CCSER1: variants seen among roughly 807,000 people sequenced by gnomAD.
The protein encoded by CCSER1 is coiled-coil serine rich protein 1.
A neutral mutation model predicts 82.0 loss-of-function variants in CCSER1; 41 were observed. That is an observed-to-expected ratio of 0.50 (90% CI 0.39 to 0.65). The LOEUF (loss-of-function observed/expected upper bound fraction) is 0.65, where lower values mean the gene tolerates loss of function less well. Ranked by LOEUF, CCSER1 falls within the 30% of genes least tolerant of loss-of-function variation. The pLI, the probability that CCSER1 is intolerant of heterozygous loss-of-function variation, is 0.00. For synonymous variants in CCSER1, 414 were observed against 383.9 expected, an observed-to-expected ratio of 1.08 and a Z score of -0.92; for missense variants, 1,119 against 1,064.2, an observed-to-expected ratio of 1.05 and a Z score of -0.72.
chr4:91,346,076 T>G (rs1329137574), intron 10 of CCSER1, among the ~76,000 whole-genome samples: 1 of 148,922 alleles, frequency 6.7e-6, no homozygotes. Context: ...CAGGCTGGAG[T>G]GCAGTGGTGT....
At chr4:91,230,397 G>T (rs1337740649) in intron 10 of CCSER1, among the ~76,000 whole-genome samples, 1 of 151,890 alleles carries the variant, frequency 6.6e-6, no homozygotes, top group Non-Finnish European at 1.5e-5. Context: ...AAAATATAAG[G>T]GTTGATTGAG....
In CCSER1 at chr4:90,549,173, A is replaced by G. The variant is rs187383258; in HGVS notation, c.1725-78852A>G. 1.2e-4 allele frequency among the ~76,000 whole-genome samples: 19 copies of G among 152,278 alleles called. No homozygotes were observed. The East Asian group carries it at 3.3e-3, about 26-fold the overall frequency. ...CACTGCATTCTTTCTGTAATGCTTC[A>G]TTTAACAAATGTTAGTTGGCCATGA... is the stretch of plus-strand genomic sequence containing the variant. On this transcript the variant is annotated intron_variant, in intron 5 of 10. Coordinates refer to ENST00000509176, the MANE Select transcript of CCSER1 (RefSeq NM_001145065.2).
At chr4:90,537,123 G>C (rs1011777069) in intron 5 of CCSER1, among the ~76,000 whole-genome samples, 9 of 152,120 alleles carry the variant, frequency 5.9e-5, no homozygotes, top group Admixed American at 5.2e-4. Context: ...TTTTCCTCAG[G>C]TGAACCTTTT....
chr4:91,393,220 G>A (rs950205390), intron 10 of CCSER1, among the ~76,000 whole-genome samples: 3 of 151,814 alleles, frequency 2.0e-5, no homozygotes, highest in Non-Finnish European at 4.4e-5. Context: ...ACACATAATG[G>A]AGACATACCT....
At chr4:90,350,133 T>C (rs1339577057) in intron 3 of CCSER1, among the ~76,000 whole-genome samples, 1 of 152,130 alleles carries the variant, frequency 6.6e-6, no homozygotes, top group East Asian at 1.9e-4. Context: ...TAAGTAAATG[T>C]ATCAAAAATA....
chr4:90,823,424 T>G (rs552444998), intron 8 of CCSER1, among the ~76,000 whole-genome samples: 3 of 152,246 alleles, frequency 2.0e-5, no homozygotes, highest in Admixed American at 2.0e-4. Flanking sequence ...TGATCTTAAG[T>G]CAGAACCTTC....
intron 8 of CCSER1, chr4:90,838,896 C>A: frequency 6.2e-7 from 1 of 1,613,062 alleles, no homozygotes; most frequent in Non-Finnish European, 8.5e-7. Context: ...TGGCGGCGCA[C>A]GCCTCATTAC....
chr4:91,425,165 G>C (rs900096136), intron 10 of CCSER1, among the ~76,000 whole-genome samples: 6 of 152,032 alleles, frequency 3.9e-5, no homozygotes, highest in African/African-American at 1.4e-4. Context: ...TTAGTATCCT[G>C]GCTTAAGAGA....
chr4:90,853,788 C>A (rs1450470384), intron 8 of CCSER1, among the ~76,000 whole-genome samples: 1 of 152,032 alleles, frequency 6.6e-6, no homozygotes, highest in African/African-American at 2.4e-5. Flanking sequence ...CAGCAATCTC[C>A]ATAGTAGTAC....
chr4:91,114,453 A>T (rs189682087), intron 10 of CCSER1, among the ~76,000 whole-genome samples: 1 of 152,190 alleles, frequency 6.6e-6, no homozygotes, highest in South Asian at 2.1e-4. Context: ...TCAAGATGTC[A>T]TCGTATTTTT....
chr4:91,354,161 G>A (rs759561454), intron 10 of CCSER1, among the ~76,000 whole-genome samples: 8 of 152,160 alleles, frequency 5.3e-5, no homozygotes, highest in Admixed American at 1.3e-4. Context: ...ATTCAGTTGA[G>A]CATGTAGATG....
intron 10 of CCSER1, among the ~76,000 whole-genome samples, chr4:91,445,412 T>TTG (rs1553938433): frequency 2.0e-5 from 3 of 147,794 alleles, no homozygotes; most frequent in Non-Finnish European, 4.5e-5. Flanking sequence ...TTTTCTCATT[T>TTG]TAGCCATCTT....
At chr4:90,770,501 C>T (rs780331023) in intron 7 of CCSER1, among the ~76,000 whole-genome samples, 1 of 152,094 alleles carries the variant, frequency 6.6e-6, no homozygotes, top group Non-Finnish European at 1.5e-5. Flanking sequence ...AGTTATTGAA[C>T]AAGATTTTAA....
chr4:90,329,771 T>C (rs2153494700), intron 3 of CCSER1, among the ~76,000 whole-genome samples: 1 of 152,294 alleles, frequency 6.6e-6, no homozygotes, highest in African/African-American at 2.4e-5. Context: ...ACTCAGTTAT[T>C]TTCTGATTAT....
chr4:90,163,415 A>G (rs956069593), intron 1 of CCSER1, among the ~76,000 whole-genome samples: 1 of 152,160 alleles, frequency 6.6e-6, no homozygotes, highest in African/African-American at 2.4e-5. Context: ...TTCACATTAC[A>G]AACTGAAGAA....
intron 10 of CCSER1, among the ~76,000 whole-genome samples, chr4:91,243,828 C>T (rs1027001575): frequency 2.3e-4 from 35 of 152,158 alleles, no homozygotes; most frequent in Admixed American, 6.5e-4. Flanking sequence ...TGACCTAGCA[C>T]GTTCCCACCT....
chr4:91,090,644 T>A (rs533222982), intron 10 of CCSER1, among the ~76,000 whole-genome samples: 4 of 152,180 alleles, frequency 2.6e-5, no homozygotes, highest in Non-Finnish European at 5.9e-5. Context: ...TTCTTGGGCT[T>A]CCCATGGCCA....
chr4:90,819,254 G>A (rs193168787), intron 8 of CCSER1, among the ~76,000 whole-genome samples: 1 of 152,154 alleles, frequency 6.6e-6, no homozygotes, highest in Non-Finnish European at 1.5e-5. Context: ...CCTACCTCAT[G>A]GCCTCATCAA....
chr4:90,738,049 T>G (rs1029221215), intron 7 of CCSER1, among the ~76,000 whole-genome samples: 12 of 152,212 alleles, frequency 7.9e-5, no homozygotes, highest in African/African-American at 2.9e-4. Context: ...TTTTGAATTC[T>G]CTGTTTGAAA....
Sources: gnomAD v4.1 joint callset for allele counts (sites outside exome capture counted in the v4.1 genomes callset) on GRCh38, gnomAD v4.1.1 for gene constraint, MANE v1.5 for transcripts, NCBI Gene and HGNC (gene_info 2026-07-23, HGNC 2026-07-21) for gene names.